The following TOP6BL variants were observed in gnomAD, a reference collection of about 807,000 sequenced individuals.
The protein encoded by TOP6BL is type 2 DNA topoisomerase 6 subunit B-like.
chr11:66,758,348 G>T, the TOP6BL span: 3 of 120,098 alleles, frequency 2.5e-5, no homozygotes, highest in Non-Finnish European at 4.2e-5. Flanking sequence ...GTCTCGCTCT[G>T]TCGCCCAGGC....
chr11:66,744,865 G>A, the TOP6BL span: 1 of 1,311,462 alleles, frequency 7.6e-7, no homozygotes, highest in Admixed American at 3.8e-5. Flanking sequence ...CTTCGACTGG[G>A]CGTTGCCGCT....
At chr11:66,757,538 G>A in the TOP6BL span, among the ~76,000 whole-genome samples, 2 of 152,062 alleles carry the variant, frequency 1.3e-5, no homozygotes, top group Admixed American at 6.6e-5. Flanking sequence ...CTAGTCATTC[G>A]CCACATGTGA....
the TOP6BL span, among the ~76,000 whole-genome samples, chr11:66,764,254 T>A: frequency 1.2e-4 from 19 of 152,222 alleles, no homozygotes; most frequent in African/African-American, 3.6e-4. Flanking sequence ...ATTTATAAGT[T>A]TTTCCTTGTT....
chr11:66,804,717 C>G, the TOP6BL span, among the ~76,000 whole-genome samples: 1 of 152,116 alleles, frequency 6.6e-6, no homozygotes, highest in African/African-American at 2.4e-5. Flanking sequence ...GTGGGCGGAT[C>G]ACTTGAGGTC....
At chr11:66,805,931 C>G in the TOP6BL span, among the ~76,000 whole-genome samples, 1,142 of 152,106 alleles carry the variant, frequency 7.5e-3, 11 homozygotes, top group African/African-American at 0.026. Flanking sequence ...GAATAACTGA[C>G]AGAATAATGA....
chr11:66,824,400 C>G, the TOP6BL span, among the ~76,000 whole-genome samples: 1 of 148,906 alleles, frequency 6.7e-6, no homozygotes, highest in African/African-American at 2.5e-5. Context: ...CATGCACCAC[C>G]ATGCCTGGCT....
At chr11:66,788,336 A>G in the TOP6BL span, 2 of 1,191,518 alleles carry the variant, frequency 1.7e-6, no homozygotes, top group East Asian at 4.9e-5. Flanking sequence ...ATCTAATAAC[A>G]AGAAAGAAAA....
At chr11:66,843,070 G>T in the TOP6BL span, 1 of 1,575,544 alleles carries the variant, frequency 6.3e-7, no homozygotes, top group South Asian at 1.1e-5. Context: ...CCGCCTGGAG[G>T]TAACTGGGCG....
At chr11:66,821,825 A>G in the TOP6BL span, 4 of 1,582,904 alleles carry the variant, frequency 2.5e-6, no homozygotes, top group Non-Finnish European at 3.4e-6. Flanking sequence ...GCAAGCATAT[A>G]TGGCAGGCAG....
the TOP6BL span, among the ~76,000 whole-genome samples, chr11:66,831,469 T>G: frequency 6.6e-6 from 1 of 152,184 alleles, no homozygotes; most frequent in Admixed American, 6.5e-5. Context: ...AATCTCTGAA[T>G]AGCATGGCAA....
chr11:66,800,921 T>C, the TOP6BL span: 14 of 1,202,168 alleles, frequency 1.2e-5, no homozygotes, highest in Non-Finnish European at 1.7e-5. Context: ...AATTAGTTAC[T>C]GAATTCTAGT....
the TOP6BL span, among the ~76,000 whole-genome samples, chr11:66,790,409 G>A: frequency 6.6e-6 from 1 of 152,222 alleles, no homozygotes; most frequent in East Asian, 1.9e-4. Flanking sequence ...TGTTAGCATG[G>A]AGGAAGGGCA....
the TOP6BL span, chr11:66,801,143 T>A: frequency 6.3e-7 from 1 of 1,580,546 alleles, no homozygotes; most frequent in Non-Finnish European, 8.7e-7. Flanking sequence ...CATGTTTTAC[T>A]CTCCTCTCGA....
the TOP6BL span, among the ~76,000 whole-genome samples, chr11:66,790,168 C>T: frequency 1.3e-5 from 2 of 151,900 alleles, no homozygotes; most frequent in Non-Finnish European, 2.9e-5. Context: ...ACTCTGGAGG[C>T]TGAGGCAGGA....
chr11:66,748,329 C>A, the TOP6BL span: 2 of 1,402,388 alleles, frequency 1.4e-6, no homozygotes, highest in Non-Finnish European at 9.7e-7. Context: ...TGTATTATTA[C>A]TGTGATTTCT....
At chr11:66,761,867 G>T in the TOP6BL span, 1 of 959,404 alleles carries the variant, frequency 1.0e-6, no homozygotes, top group Non-Finnish European at 1.7e-6. Context: ...GATAATGACA[G>T]TCCAGCACAA....
At chr11:66,821,824 T>TA in the TOP6BL span, 1 of 1,584,888 alleles carries the variant, frequency 6.3e-7, no homozygotes, top group Non-Finnish European at 8.6e-7. Context: ...AGCAAGCATA[T>TA]ATGGCAGGCA....
the TOP6BL span, among the ~76,000 whole-genome samples, chr11:66,785,714 G>A: frequency 6.6e-6 from 1 of 152,132 alleles, no homozygotes. Context: ...TATCAGTGAG[G>A]CTGCTGCCAG....
At chr11:66,820,122 G>T in the TOP6BL span, among the ~76,000 whole-genome samples, 1 of 152,130 alleles carries the variant, frequency 6.6e-6, no homozygotes, top group Admixed American at 6.6e-5. Flanking sequence ...ACCTGTGAGA[G>T]CAGGTGGTAT....
Sources: allele counts gnomAD v4.1 joint callset (sites outside exome capture counted in the v4.1 genomes callset), GRCh38; gene constraint gnomAD v4.1.1; transcripts MANE v1.5; gene names NCBI Gene and HGNC (gene_info 2026-07-23, HGNC 2026-07-21).